Variants in DOCK11 observed in about 807,000 individuals in gnomAD.
DOCK11 encodes the protein dedicator of cytokinesis 11.
DOCK11 carries 70 observed loss-of-function variants against 169.1 expected under a neutral mutation model. The ratio of observed to expected loss-of-function variants is 0.41; its 90% CI spans 0.34 to 0.51. The LOEUF (loss-of-function observed/expected upper bound fraction) is 0.51. DOCK11 is among the 20% of genes least tolerant of loss of function. The probability of loss-of-function intolerance (pLI) is 0.10; values close to 1 mark genes in which losing one functional copy is unlikely to be tolerated. For synonymous variants in DOCK11, 529 were observed against 541.3 expected (o/e 0.98, Z 0.32); for missense variants, 1,166 against 1,538.8 (o/e 0.76, Z 4.05).
intron 1 of DOCK11, among the ~76,000 whole-genome samples, chrX:118,506,767 T>C (rs773548147): frequency 1.4e-4 from 16 of 112,455 alleles, no homozygotes; most frequent in African/African-American, 4.8e-4. Context: ...TCTGGTTTTG[T>C]GGTAGCAGGA....
chrX:118,555,691 T>C (rs1253254542), intron 6 of DOCK11, among the ~76,000 whole-genome samples: 1 of 111,813 alleles, frequency 8.9e-6, no homozygotes, highest in Admixed American at 9.5e-5. Flanking sequence ...CATTCTGGTG[T>C]CATTACTGCA....
chrX:118,643,847 C>T (rs1256222907), intron 40 of DOCK11, among the ~76,000 whole-genome samples: 2 of 111,789 alleles, frequency 1.8e-5, no homozygotes, highest in African/African-American at 6.5e-5. Context: ...TGAAGAATAT[C>T]GTTTTAAAAT....
In DOCK11 at chrX:118,597,703, G is replaced by A. The variant is rs984538418; in HGVS notation, c.2385+151G>A. The stretch of plus-strand genomic sequence containing the variant: ...ACAAAGATAAACATGGAATGTGCAT[G>A]TTTAGAATTTATAGCAGTTTGACAA... On this transcript the variant is annotated intron_variant, in intron 21 of 52. Coordinates refer to ENST00000276202, the MANE Select transcript of DOCK11 (RefSeq NM_144658.4). The A allele has an allele frequency of 4.9e-6, 3 of 610,913 alleles. No individual in the cohort carries two copies. In the African/African-American group the frequency reaches 6.8e-5, roughly 14 times the overall value. The allele number at this position is 610,913 out of a possible 1,213,427, so 50.3% of individuals were successfully genotyped here.
chrX:118,496,174 C>T (rs1194877271), intron 1 of DOCK11, 101 bp downstream of exon 1: 7 of 568,217 alleles, frequency 1.2e-5, no homozygotes, highest in African/African-American at 5.0e-5. Flanking sequence ...TGGTGCGCCG[C>T]GCGCTGTCTT....
chrX:118,623,821 C>T (rs752223741), intron 31 of DOCK11, among the ~76,000 whole-genome samples: 1 of 112,785 alleles, frequency 8.9e-6, no homozygotes, highest in African/African-American at 3.2e-5. Flanking sequence ...AGATAGAGGG[C>T]AATGCTTGTG....
In DOCK11 at chrX:118,643,580, G is replaced by A. The variant is rs750044860; in HGVS notation, c.4384G>A (p.Ala1462Thr). The A allele has an allele frequency of 8.3e-7, 1 of 1,210,753 alleles. No individual in the cohort carries two copies. Among genetic ancestry groups the A allele is most frequent in the South Asian group, 1.8e-5 (1 of 56,861 alleles). The part of the protein sequence containing the change: ...SLKHVFASLR[A>T]FISKFPSAFF... ...GAAACATGTATTTGCCTCACTGAGAGCTTTCATCAGTAAGGTAAGGACAGA... is the reference window on the plus strand; with the variant it reads ...GAAACATGTATTTGCCTCACTGAGAACTTTCATCAGTAAGGTAAGGACAGA... The change falls in exon 40 of 53, where the codon GCT (alanine) becomes ACT (threonine). Residue 1462 changes from alanine to threonine, a missense_variant. Transcript: ENST00000276202.
At chrX:118,543,402 A>C in intron 3 of DOCK11, 109 bp from the exon 4 acceptor site, 1 of 591,415 alleles carries the variant, frequency 1.7e-6, no homozygotes, top group East Asian at 3.5e-5. Context: ...AGTACTAGTA[A>C]TTGCCAAATG....
At chrX:118,586,907 A>AG (rs2013834065) in intron 16 of DOCK11, among the ~76,000 whole-genome samples, 2 of 111,769 alleles carry the variant, frequency 1.8e-5, no homozygotes, top group African/African-American at 6.5e-5. Flanking sequence ...GCCTTAAAAA[A>AG]TTGAATTTTA....
At chrX:118,597,987 C>A in intron 21 of DOCK11, 43 bp from the exon 22 acceptor site, 1 of 986,155 alleles carries the variant, frequency 1.0e-6, no homozygotes, top group Non-Finnish European at 1.4e-6. Flanking sequence ...TGTTATTCAT[C>A]TATCCATTAT....
intron 35 of DOCK11, 56 bp downstream of exon 35, chrX:118,630,546 C>G (rs1182657952): frequency 4.1e-6 from 3 of 738,163 alleles, no homozygotes; most frequent in African/African-American, 4.2e-5. Context: ...CTCACAGGTT[C>G]ACAAATTCAT....
At chrX:118,564,760 C>T (rs2013025471) in intron 7 of DOCK11, among the ~76,000 whole-genome samples, 1 of 103,668 alleles carries the variant, frequency 9.6e-6, no homozygotes, top group Non-Finnish European at 2.0e-5. Context: ...TCCCTTCCTT[C>T]CTTCCTTCTT....
At position 118,565,093 on chromosome X, in the gene DOCK11, G is replaced by A. The variant is rs766723929; in HGVS notation, c.694-912G>A. 6.4e-5 allele frequency among the ~76,000 whole-genome samples: 6 copies of A among 93,109 alleles called. No individual in the cohort carries two copies. The East Asian group carries it at 2.4e-3, about 38-fold the overall frequency. The allele number at this position is 93,109 out of a possible 115,157, so 80.9% of individuals were successfully genotyped here. ...TGGGACTACAGCCATGCGCCATCAC[G>A]CCTGGCTATTTTTTTTTGTATTTTT... On this transcript the variant is annotated intron_variant, in intron 7 of 52. Coordinates refer to ENST00000276202, the MANE Select transcript of DOCK11 (RefSeq NM_144658.4).
intron 39 of DOCK11, among the ~76,000 whole-genome samples, chrX:118,642,692 A>T (rs2015562498): frequency 9.0e-6 from 1 of 111,273 alleles, no homozygotes; most frequent in Admixed American, 9.6e-5. Context: ...TACTAAGGAA[A>T]GTGCCAGAAA....
In DOCK11 at chrX:118,568,200, T is replaced by C. The variant is rs373058895; in HGVS notation, c.1035+38T>C. On this transcript the variant is annotated intron_variant, in intron 10 of 52. Transcript: ENST00000276202. Reference sequence around the variant, plus strand: ...CATTTCTTTAATAGTCCTAGAATTATTGCTTATTCAGATAAACAACATCTT... The same window carrying C: ...CATTTCTTTAATAGTCCTAGAATTACTGCTTATTCAGATAAACAACATCTT... 6.5e-5 allele frequency: 55 copies of C among 850,804 alleles called. No homozygotes were observed. The African/African-American group carries it at 1.1e-3, about 16-fold the overall frequency. 70.1% of individuals were successfully genotyped at this position (850,804 alleles called of 1,213,427 possible).
At chrX:118,678,834 G>A (rs750877221) in intron 48 of DOCK11, among the ~76,000 whole-genome samples, 18 of 109,134 alleles carry the variant, frequency 1.6e-4, no homozygotes, top group African/African-American at 4.3e-4. Flanking sequence ...GCTGTGGCAC[G>A]ATCACAGCTC....
chrX:118,543,722 G>A lies in DOCK11; in HGVS notation c.392+129G>A, dbSNP rs892721533. ...TCCCAGCACTTTGGGAGGCCGAGGC[G>A]GGCAGATCACAAGGTCAGGAGATCG... is the stretch of plus-strand genomic sequence containing the variant. On this transcript the variant is annotated intron_variant, in intron 4 of 52. Coordinates refer to ENST00000276202, the MANE Select transcript of DOCK11 (RefSeq NM_144658.4). 2.5e-4 allele frequency: 113 copies of A among 453,321 alleles called. 1 individual carries two copies. Among genetic ancestry groups the A allele is most frequent in the Admixed American group, 7.8e-4 (26 of 33,529 alleles). 37.4% of individuals were successfully genotyped at this position (453,321 alleles called of 1,213,427 possible).
At chrX:118,584,147 C>A (rs906462761) in intron 14 of DOCK11, among the ~76,000 whole-genome samples, 1 of 111,941 alleles carries the variant, frequency 8.9e-6, no homozygotes, top group Non-Finnish European at 1.9e-5. Flanking sequence ...TAACCACCAC[C>A]CCAACCAGAT....
chrX:118,641,936 T>TC (rs957731956), intron 39 of DOCK11, among the ~76,000 whole-genome samples: 1 of 111,216 alleles, frequency 9.0e-6, no homozygotes, highest in Non-Finnish European at 1.9e-5. Context: ...TTTTCCTTTT[T>TC]CCCCTCTTCT....
chrX:118,667,075 ATTG>A (rs1368858017), intron 45 of DOCK11, among the ~76,000 whole-genome samples: 1 of 110,323 alleles, frequency 9.1e-6, no homozygotes, highest in Non-Finnish European at 1.9e-5. Context: ...CTTACTTTTT[ATTG>A]TTGTTTTGTG....
Sources: allele counts gnomAD v4.1 joint callset (sites outside exome capture counted in the v4.1 genomes callset), GRCh38; gene constraint gnomAD v4.1.1; transcripts MANE v1.5; gene names NCBI Gene and HGNC (gene_info 2026-07-23, HGNC 2026-07-21).